Variants in DAB2IP observed in about 807,000 individuals in gnomAD.
DAB2IP encodes the protein DAB2 interacting protein.
Under a neutral mutation model 107.2 loss-of-function variants are expected in DAB2IP, and 28 were observed. The observed-to-expected ratio is 0.26, with a 90% CI of 0.19 to 0.36. DAB2IP has a LOEUF of 0.36. DAB2IP is among the 10% of genes least tolerant of loss of function. The pLI is 1.00. For missense variants in DAB2IP, 1,400 were observed against 1,644.7 expected, an observed-to-expected ratio of 0.85 and a Z score of 2.57; for synonymous variants, 755 against 706.4, an observed-to-expected ratio of 1.07 and a Z score of -1.09.
intron 1 of DAB2IP, among the ~76,000 whole-genome samples, chr9:121,664,150 C>T (rs1833321224): frequency 6.6e-6 from 1 of 152,220 alleles, no homozygotes; most frequent in Non-Finnish European, 1.5e-5. Context: ...CATATCTTTT[C>T]CAGCATCAAT....
chr9:121,677,513 C>G (rs1429292441), intron 1 of DAB2IP, among the ~76,000 whole-genome samples: 7 of 152,090 alleles, frequency 4.6e-5, no homozygotes, highest in African/African-American at 1.7e-4. Flanking sequence ...GAGTGAGACC[C>G]TGACTCTAAA....
At chr9:121,629,187 G>A (rs1439574849) in intron 1 of DAB2IP, among the ~76,000 whole-genome samples, 3 of 152,176 alleles carry the variant, frequency 2.0e-5, no homozygotes, top group Non-Finnish European at 4.4e-5. Context: ...CCACCCCAGG[G>A]GCCCACCTCG....
chr9:121,609,359 A>G (rs112188411), intron 1 of DAB2IP, among the ~76,000 whole-genome samples: 3,481 of 152,248 alleles, frequency 0.023, 79 homozygotes, highest in South Asian at 0.084. Flanking sequence ...GACCTGACTC[A>G]TTGAAACTTT....
intron 3 of DAB2IP, among the ~76,000 whole-genome samples, chr9:121,730,910 T>C (rs530494532): frequency 6.6e-6 from 1 of 152,282 alleles, no homozygotes; most frequent in East Asian, 1.9e-4. Flanking sequence ...CAATGAGAAG[T>C]GTGCACCATG....
intron 1 of DAB2IP, among the ~76,000 whole-genome samples, chr9:121,654,594 A>T (rs1158354378): frequency 6.6e-6 from 1 of 152,072 alleles, no homozygotes; most frequent in Non-Finnish European, 1.5e-5. Flanking sequence ...TCCCTCCACT[A>T]AAGCCTCAGA....
At position 121,611,085 on chromosome 9, in the gene DAB2IP, C is replaced by T. The variant is rs1831077262; in HGVS notation, c.40+43857C>T. Among the ~76,000 whole-genome samples the T allele has an allele frequency of 2.0e-5, 3 of 152,288 alleles. No homozygotes were observed. In the South Asian group the frequency reaches 6.2e-4, roughly 32 times the overall value. The stretch of plus-strand genomic sequence containing the variant: ...CTGCTTCCTGGGTTCAAGCAATTCT[C>T]CTGCCTGAGCCCCCTGAGTAGCTGG... On this transcript the variant is annotated intron_variant, in intron 1 of 16. Transcript: ENST00000259371.
exon 9 of DAB2IP, chr9:121,766,671 C>T: frequency 2.5e-6 from 4 of 1,614,198 alleles, no homozygotes; most frequent in Non-Finnish European, 2.5e-6. Context: ...CTGATGACCG[C>T]ACTGCCCGCA....
chr9:121,767,037 C>T (rs955863553), intron 9 of DAB2IP, among the ~76,000 whole-genome samples: 5 of 152,322 alleles, frequency 3.3e-5, no homozygotes, highest in Admixed American at 2.6e-4. Context: ...TATCCCTTAA[C>T]ATTCATTAAG....
intron 2 of DAB2IP, among the ~76,000 whole-genome samples, chr9:121,681,373 C>G (rs1008797402): frequency 1.3e-5 from 2 of 152,182 alleles, no homozygotes; most frequent in Admixed American, 6.5e-5. Flanking sequence ...CTTTAAGTGA[C>G]AGCTAGGATC....
At chr9:121,659,942 C>G (rs976991909) in intron 1 of DAB2IP, among the ~76,000 whole-genome samples, 6 of 152,104 alleles carry the variant, frequency 3.9e-5, no homozygotes, top group Non-Finnish European at 8.8e-5. Flanking sequence ...TAGCGAGCCA[C>G]CTAGTATGTG....
At chr9:121,626,517 G>T (rs535485318) in intron 1 of DAB2IP, among the ~76,000 whole-genome samples, 1 of 150,032 alleles carries the variant, frequency 6.7e-6, no homozygotes, top group Admixed American at 6.7e-5. Flanking sequence ...TCCACCTCCC[G>T]GGTTCAAGTG....
chr9:121,739,467 G>A (rs1035847506), intron 3 of DAB2IP, among the ~76,000 whole-genome samples: 3 of 152,244 alleles, frequency 2.0e-5, no homozygotes, highest in African/African-American at 7.2e-5. Context: ...ATTTCTGAAG[G>A]GTCCCTCTGA....
At chr9:121,627,605 G>A (rs147031505) in intron 1 of DAB2IP, among the ~76,000 whole-genome samples, 3,767 of 152,244 alleles carry the variant, frequency 0.025, 73 homozygotes, top group South Asian at 0.044. Flanking sequence ...GAGAGTCGGT[G>A]GGTCATGATC....
intron 4 of DAB2IP, among the ~76,000 whole-genome samples, chr9:121,757,563 G>A (rs906029167): frequency 6.6e-6 from 1 of 150,666 alleles, no homozygotes; most frequent in African/African-American, 2.5e-5. Context: ...GTTTCCCACT[G>A]TGAACAATGA....
At chr9:121,594,115 C>G (rs775928304) in intron 1 of DAB2IP, among the ~76,000 whole-genome samples, 1 of 152,118 alleles carries the variant, frequency 6.6e-6, no homozygotes, top group African/African-American at 2.4e-5. Context: ...TTATAATAAC[C>G]CTTGTGATAA....
intron 3 of DAB2IP, among the ~76,000 whole-genome samples, chr9:121,723,828 G>A (rs536791827): frequency 2.0e-5 from 3 of 152,276 alleles, no homozygotes; most frequent in South Asian, 2.1e-4. Context: ...GAGCCCACTC[G>A]GGGTGGAGCA....
intron 1 of DAB2IP, among the ~76,000 whole-genome samples, chr9:121,568,861 G>A (rs1427612156): frequency 6.6e-6 from 1 of 152,218 alleles, no homozygotes; most frequent in East Asian, 1.9e-4. Context: ...CTCTGGGCTG[G>A]GCAAGGCTGG....
chr9:121,584,109 T>G (rs1388809936), intron 1 of DAB2IP, among the ~76,000 whole-genome samples: 2 of 152,094 alleles, frequency 1.3e-5, no homozygotes, highest in African/African-American at 4.8e-5. Context: ...CCTGGTCCTG[T>G]GGAGGTTGCA....
chr9:121,757,425 G>C (rs934980450), intron 4 of DAB2IP, among the ~76,000 whole-genome samples: 1 of 152,220 alleles, frequency 6.6e-6, no homozygotes, highest in African/African-American at 2.4e-5. Flanking sequence ...AAGCTGCTGG[G>C]GCCCCCAGTG....
Sources: allele counts gnomAD v4.1 joint callset (sites outside exome capture counted in the v4.1 genomes callset), GRCh38; gene constraint gnomAD v4.1.1; transcripts MANE v1.5; gene names NCBI Gene and HGNC (gene_info 2026-07-23, HGNC 2026-07-21).